The following MAGI1 variants were observed in gnomAD, a reference collection of about 807,000 sequenced individuals.
The protein encoded by MAGI1 is membrane-associated guanylate kinase, WW and PDZ domain-containing protein 1.
A neutral mutation model predicts 139.9 loss-of-function variants in MAGI1; 58 were observed. The observed-to-expected ratio is 0.41, with a 90% confidence interval of 0.34 to 0.52. The LOEUF (loss-of-function observed/expected upper bound fraction) is 0.52. Ranked by LOEUF, MAGI1 falls within the 20% of genes least tolerant of loss-of-function variation. The pLI is 0.12. For synonymous variants in MAGI1, 812 were observed against 737.9 expected (o/e 1.10, Z -1.63); for missense variants, 1,874 against 1,901.6 (o/e 0.99, Z 0.27).
chr3:66,028,389 A>G (rs550216001), intron 1 of MAGI1, among the ~76,000 whole-genome samples: 7 of 152,298 alleles, frequency 4.6e-5, no homozygotes, highest in African/African-American at 1.7e-4. Flanking sequence ...GACACAGGTA[A>G]CATTCTCATT....
At chr3:65,888,956 T>C (rs2060635233) in intron 1 of MAGI1, among the ~76,000 whole-genome samples, 3 of 152,244 alleles carry the variant, frequency 2.0e-5, no homozygotes, top group African/African-American at 4.8e-5. Flanking sequence ...TGTTTATGTA[T>C]ATATTTATAT....
chr3:65,520,101 G>C (rs2078085134), intron 2 of MAGI1, among the ~76,000 whole-genome samples: 1 of 152,202 alleles, frequency 6.6e-6, no homozygotes. Context: ...CTTAGAAGTG[G>C]ACTGGCTAGA....
chr3:65,981,499 A>G (rs2065578177), intron 1 of MAGI1, among the ~76,000 whole-genome samples: 1 of 152,236 alleles, frequency 6.6e-6, no homozygotes, highest in Non-Finnish European at 1.5e-5. Flanking sequence ...TAAAATTGAG[A>G]TAATAATAGC....
At chr3:65,596,592 A>C (rs1486742442) in intron 2 of MAGI1, among the ~76,000 whole-genome samples, 1 of 152,244 alleles carries the variant, frequency 6.6e-6, no homozygotes, top group Non-Finnish European at 1.5e-5. Flanking sequence ...TTTGTGTGTG[A>C]GACAAAGTCT....
chr3:65,391,614 A>C (rs1011245172), intron 13 of MAGI1, among the ~76,000 whole-genome samples: 1 of 152,128 alleles, frequency 6.6e-6, no homozygotes, highest in Non-Finnish European at 1.5e-5. Flanking sequence ...GCGGAAAACA[A>C]ATCTGATATT....
intron 5 of MAGI1, among the ~76,000 whole-genome samples, chr3:65,454,687 A>C (rs925432823): frequency 1.3e-5 from 2 of 151,500 alleles, no homozygotes; most frequent in Non-Finnish European, 1.5e-5. Flanking sequence ...AGGGTTTGCC[A>C]AAGTTTTTTA....
intron 1 of MAGI1, among the ~76,000 whole-genome samples, chr3:65,887,774 T>C (rs2060590768): frequency 6.6e-6 from 1 of 152,182 alleles, no homozygotes; most frequent in African/African-American, 2.4e-5. Flanking sequence ...TCTTAAAGCT[T>C]TCAAGACCAC....
chr3:65,640,014 G>T (rs912964083), intron 1 of MAGI1, among the ~76,000 whole-genome samples: 2 of 150,532 alleles, frequency 1.3e-5, no homozygotes, highest in Non-Finnish European at 2.9e-5. Flanking sequence ...AATTACTTCC[G>T]TCTGACTGCT....
chr3:65,884,851 A>C (rs929291487), intron 1 of MAGI1, among the ~76,000 whole-genome samples: 3 of 152,206 alleles, frequency 2.0e-5, no homozygotes, highest in Non-Finnish European at 4.4e-5. Context: ...ACAGAGATTT[A>C]AGGATTGGAG....
chr3:65,967,166 A>T (rs1188875395), intron 1 of MAGI1, among the ~76,000 whole-genome samples: 1 of 152,160 alleles, frequency 6.6e-6, no homozygotes, highest in African/African-American at 2.4e-5. Context: ...TGCTGGAGAA[A>T]CATCACTGAA....
Position 65,355,598 on chromosome 3 carries a change from T to G in MAGI1, c.*780A>C, listed in dbSNP as rs1356764229. On this transcript the variant is annotated 3_prime_UTR_variant, in exon 23 of 23. Transcript: ENST00000402939. Reference sequence around the variant, plus strand: ...TAATTGAGCAAAGCTGTGATGGCATTGCCTTCAATGAGATTTTATCAGATG... The same window carrying G: ...TAATTGAGCAAAGCTGTGATGGCATGGCCTTCAATGAGATTTTATCAGATG... 1 of 152,692 alleles carries G rather than the reference T, an allele frequency of 6.5e-6. No homozygotes were observed. Among genetic ancestry groups the G allele is most frequent in the Non-Finnish European group, 1.5e-5 (1 of 68,048 alleles). 9.5% of individuals were successfully genotyped at this position (152,692 alleles called of 1,614,324 possible).
intron 1 of MAGI1, among the ~76,000 whole-genome samples, chr3:65,810,542 G>A (rs1209890151): frequency 6.6e-6 from 1 of 152,218 alleles, no homozygotes; most frequent in Non-Finnish European, 1.5e-5. Context: ...GAACTCCAGC[G>A]TGGCTCCCTG....
chr3:65,685,019 G>A (rs2107531103), intron 1 of MAGI1, among the ~76,000 whole-genome samples: 1 of 151,338 alleles, frequency 6.6e-6, no homozygotes, highest in Middle Eastern at 3.4e-3. Flanking sequence ...TGTTTGGCCT[G>A]GTAGACTGTA....
At chr3:65,440,132 C>G in intron 8 of MAGI1, 120 bp from the exon 9 acceptor site, 5 of 1,100,914 alleles carry the variant, frequency 4.5e-6, no homozygotes, top group Middle Eastern at 2.1e-4. Context: ...TGCTAACCCT[C>G]GTGTGTTAAA....
chr3:65,602,858 G>A (rs921314356), intron 2 of MAGI1, among the ~76,000 whole-genome samples: 3 of 152,004 alleles, frequency 2.0e-5, no homozygotes, highest in Admixed American at 6.5e-5. Context: ...AGGACCATGA[G>A]TGGGGAAAGG....
At chr3:66,006,792 C>G (rs568161765) in intron 1 of MAGI1, among the ~76,000 whole-genome samples, 6 of 149,378 alleles carry the variant, frequency 4.0e-5, no homozygotes, top group African/African-American at 1.2e-4. Context: ...GCGGTCCTCT[C>G]TTTGAAGAAC....
intron 2 of MAGI1, among the ~76,000 whole-genome samples, chr3:65,615,581 G>A (rs1425547858): frequency 6.6e-6 from 1 of 152,146 alleles, no homozygotes; most frequent in Non-Finnish European, 1.5e-5. Flanking sequence ...CATTTATGAG[G>A]AGGGTTCCAG....
chr3:65,798,502 A>G (rs942293698), intron 1 of MAGI1, among the ~76,000 whole-genome samples: 5 of 152,176 alleles, frequency 3.3e-5, no homozygotes, highest in African/African-American at 1.2e-4. Flanking sequence ...GCCTCGGGCC[A>G]AGATAGGTGT....
intron 1 of MAGI1, among the ~76,000 whole-genome samples, chr3:65,976,269 T>C (rs1197206246): frequency 2.0e-5 from 3 of 152,202 alleles, no homozygotes; most frequent in Non-Finnish European, 4.4e-5. Flanking sequence ...TACTTATATA[T>C]AGCCATTTTT....
Sources: allele counts gnomAD v4.1 joint callset (sites outside exome capture counted in the v4.1 genomes callset), GRCh38; gene constraint gnomAD v4.1.1; transcripts MANE v1.5; gene names NCBI Gene and HGNC (gene_info 2026-07-23, HGNC 2026-07-21).